Variants in ASAP1 observed in about 807,000 individuals in gnomAD.
ASAP1 encodes ArfGAP with SH3 domain, ankyrin repeat and PH domain 1, also known as arf-GAP with SH3 domain, ANK repeat and PH domain-containing protein 1.
Under a neutral mutation model 145.2 loss-of-function variants are expected in ASAP1, and 43 were observed. The observed-to-expected ratio is 0.30, with a 90% confidence interval of 0.23 to 0.38. The LOEUF (loss-of-function observed/expected upper bound fraction) is 0.38. Ranked by LOEUF, ASAP1 falls within the 10% of genes least tolerant of loss-of-function variation. The pLI, the probability that ASAP1 is intolerant of heterozygous loss-of-function variation, is 1.00. For missense variants in ASAP1, 1,018 were observed against 1,355.3 expected, an observed-to-expected ratio of 0.75 and a Z score of 3.91; for synonymous variants, 546 against 515.5, an observed-to-expected ratio of 1.06 and a Z score of -0.80.
chr8:130,404,830 G>A lies in ASAP1; in HGVS notation c.-27-2860C>T, dbSNP rs373406517. 1.2e-4 allele frequency among the ~76,000 whole-genome samples: 19 copies of A among 152,280 alleles called. 1 individual carries two copies. The East Asian group carries it at 1.9e-3, about 15-fold the overall frequency. On this transcript the variant is annotated intron_variant, in intron 1 of 29. Transcript: ENST00000518721. ...GGAATGTGGCTAGAAGTGACAGTGT[G>A]CTGTTCCCAAGTCTATTCCTCTTGC...
At chr8:130,364,974 G>A (rs1229669270) in intron 2 of ASAP1, among the ~76,000 whole-genome samples, 1 of 152,054 alleles carries the variant, frequency 6.6e-6, no homozygotes, top group Non-Finnish European at 1.5e-5. Context: ...AAAAACAAAT[G>A]CCAAACAAAC....
chr8:130,080,311 C>T (rs528718999), intron 25 of ASAP1, among the ~76,000 whole-genome samples: 1 of 152,218 alleles, frequency 6.6e-6, no homozygotes, highest in South Asian at 2.1e-4. Context: ...TTCAAGTTCA[C>T]CAAGAGGCCT....
Position 130,118,596 on chromosome 8 carries a change from T to C in ASAP1, c.1687A>G (p.Lys563Glu), listed in dbSNP as rs1156674665. ...ATGGCCTCAAGCAATTCATTTAGTT[T>C]AGCTGATGAAGTTGAACAGGTCTTC... Reference protein sequence around the residue: ...SRKTCSTSSAKLNELLEAIKS... With the variant: ...SRKTCSTSSAELNELLEAIKS... The change falls in exon 19 of 30, where the codon AAA (lysine) becomes GAA (glutamate). Residue 563 changes from lysine (K) to glutamate (E), a missense_variant. Physicochemically the swap from Lys to Glu is moderately conservative, Grantham distance 56 (BLOSUM62 1). Around this residue, in one of 9 missense-constraint regions of ASAP1, gnomAD observed 153 missense variants for 221.6 expected, o/e 0.69. Coordinates refer to ENST00000518721, the MANE Select transcript of ASAP1 (RefSeq NM_018482.4). 1 of 1,613,966 alleles carries C rather than the reference T, an allele frequency of 6.2e-7. No individual in the cohort carries two copies. Among genetic ancestry groups the C allele is most frequent in the East Asian group, 2.2e-5 (1 of 44,894 alleles).
intron 2 of ASAP1, among the ~76,000 whole-genome samples, chr8:130,397,803 G>A (rs571629596): frequency 6.6e-6 from 1 of 152,314 alleles, no homozygotes; most frequent in South Asian, 2.1e-4. Flanking sequence ...TGCCCCTCCT[G>A]TGGCCCCAGG....
chr8:130,125,536 A>C (rs1248593402), intron 17 of ASAP1, among the ~76,000 whole-genome samples: 2 of 152,192 alleles, frequency 1.3e-5, no homozygotes, highest in Non-Finnish European at 2.9e-5. Context: ...CTTGTAATTC[A>C]TGTGTACTTT....
intron 27 of ASAP1, 120 bp downstream of exon 27, chr8:130,076,228 C>T (rs897122914): frequency 3.2e-6 from 2 of 615,530 alleles, no homozygotes; most frequent in Admixed American, 3.4e-5. Flanking sequence ...CCACTACATG[C>T]CAGGTGCTGC....
At chr8:130,418,452 G>A (rs890615811) in intron 1 of ASAP1, among the ~76,000 whole-genome samples, 6 of 152,118 alleles carry the variant, frequency 3.9e-5, no homozygotes, top group African/African-American at 1.2e-4. Context: ...GGAGGCTGAG[G>A]CAGGAGGATC....
At chr8:130,120,927 A>G (rs1275482077) in intron 18 of ASAP1, among the ~76,000 whole-genome samples, 1 of 152,216 alleles carries the variant, frequency 6.6e-6, no homozygotes, top group Non-Finnish European at 1.5e-5. Context: ...TTCTAGTCCT[A>G]TGGCTGATAA....
chr8:130,181,721 T>C (rs1167539932), intron 7 of ASAP1, among the ~76,000 whole-genome samples: 1 of 152,198 alleles, frequency 6.6e-6, no homozygotes, highest in African/African-American at 2.4e-5. Context: ...ACATTAAACA[T>C]ACAGTAGCTG....
At chr8:130,314,819 T>A (rs1365194502) in intron 3 of ASAP1, among the ~76,000 whole-genome samples, 1 of 152,230 alleles carries the variant, frequency 6.6e-6, no homozygotes, top group Non-Finnish European at 1.5e-5. Context: ...TGCAGACAAC[T>A]ACTTCAGCCA....
chr8:130,074,280 T>C (rs995193933), intron 27 of ASAP1, among the ~76,000 whole-genome samples: 4 of 151,916 alleles, frequency 2.6e-5, no homozygotes, highest in African/African-American at 9.7e-5. Flanking sequence ...TTACTGAGAG[T>C]GGCTGGGCAG....
intron 7 of ASAP1, among the ~76,000 whole-genome samples, chr8:130,183,937 A>C (rs1814541937): frequency 6.6e-6 from 1 of 152,196 alleles, no homozygotes; most frequent in Non-Finnish European, 1.5e-5. Flanking sequence ...AGGAAAGAAG[A>C]AGCTGACACA....
intron 18 of ASAP1, among the ~76,000 whole-genome samples, chr8:130,122,274 ACT>A (rs1010832805): frequency 6.6e-6 from 1 of 152,110 alleles, no homozygotes; most frequent in African/African-American, 2.4e-5. Flanking sequence ...CAGGACAGAA[ACT>A]CTGTCTTGTT....
intron 3 of ASAP1, among the ~76,000 whole-genome samples, chr8:130,352,132 G>C (rs1826030496): frequency 6.6e-6 from 1 of 151,834 alleles, no homozygotes; most frequent in Non-Finnish European, 1.5e-5. Context: ...ATCTTCAAGA[G>C]GTCAGAGACA....
At chr8:130,172,655 G>T (rs1565048247) in intron 9 of ASAP1, among the ~76,000 whole-genome samples, 1 of 152,276 alleles carries the variant, frequency 6.6e-6, no homozygotes, top group East Asian at 1.9e-4. Context: ...CATGTAGATG[G>T]TAAAGAGTAT....
At chr8:130,146,167 T>G (rs1011817563) in intron 13 of ASAP1, among the ~76,000 whole-genome samples, 1 of 151,994 alleles carries the variant, frequency 6.6e-6, no homozygotes, top group Admixed American at 6.6e-5. Flanking sequence ...ACTCTATTAT[T>G]TCTTATATTA....
intron 3 of ASAP1, among the ~76,000 whole-genome samples, chr8:130,336,311 T>C (rs1333110795): frequency 6.6e-6 from 1 of 152,212 alleles, no homozygotes; most frequent in Non-Finnish European, 1.5e-5. Flanking sequence ...TCAATCATCC[T>C]TGCTATTCCT....
At chr8:130,071,490 A>T (rs552689778) in intron 27 of ASAP1, among the ~76,000 whole-genome samples, 1 of 152,212 alleles carries the variant, frequency 6.6e-6, no homozygotes, top group Non-Finnish European at 1.5e-5. Context: ...CTGAGGAGCT[A>T]CTTGCTAGAC....
chr8:130,103,295 CT>C (rs1470799842), intron 24 of ASAP1, among the ~76,000 whole-genome samples: 1 of 151,648 alleles, frequency 6.6e-6, no homozygotes, highest in African/African-American at 2.4e-5. Context: ...GGTCTTCTCC[CT>C]TCTTTTCTTG....
Sources: allele counts gnomAD v4.1 joint callset (sites outside exome capture counted in the v4.1 genomes callset), GRCh38; gene constraint gnomAD v4.1.1; regional missense constraint gnomAD v4.1.1; transcripts MANE v1.5; gene names NCBI Gene and HGNC (gene_info 2026-07-23, HGNC 2026-07-21).